RCL1: variants seen among roughly 807,000 people sequenced by gnomAD.
The protein encoded by RCL1 is RNA terminal phosphate cyclase like 1.
A neutral mutation model predicts 42.4 loss-of-function variants in RCL1; 24 were observed. The ratio of observed to expected loss-of-function variants is 0.57; its 90% CI spans 0.41 to 0.80. RCL1 has a LOEUF of 0.80. Ranked by LOEUF, RCL1 falls within the 30% of genes least tolerant of loss-of-function variation. The pLI is 0.00. For synonymous variants in RCL1, 228 were observed against 177.3 expected, an observed-to-expected ratio of 1.29 and a Z score of -2.27; for missense variants, 578 against 467.9, an observed-to-expected ratio of 1.24 and a Z score of -2.17.
chr9:4,834,299 T>TG (rs148106832), intron 5 of RCL1, 34 bp downstream of exon 5: 53,128 of 1,564,822 alleles, frequency 0.034, 1,280 homozygotes, highest in African/African-American at 0.11. Context: ...TTCTTTTTTT[T>TG]TTGTTGTTGT....
chr9:4,793,941 T>C (rs1842873952), intron 1 of RCL1, among the ~76,000 whole-genome samples: 1 of 152,118 alleles, frequency 6.6e-6, no homozygotes, highest in African/African-American at 2.4e-5. Context: ...TCTGCAATGG[T>C]AGGTTAAAAA....
At chr9:4,801,341 T>G (rs1217808093) in intron 1 of RCL1, among the ~76,000 whole-genome samples, 2 of 152,114 alleles carry the variant, frequency 1.3e-5, no homozygotes, top group Non-Finnish European at 2.9e-5. Context: ...CCGGCTAATA[T>G]TTTAACTTTT....
intron 3 of RCL1, 155 bp downstream of exon 3, chr9:4,827,188 AG>A (rs1208179305): frequency 6.5e-7 from 1 of 1,544,198 alleles, no homozygotes; most frequent in East Asian, 2.4e-5. Context: ...TCACTCCAGG[AG>A]GCAGATGAAC....
In RCL1 at chr9:4,860,048, G is replaced by T. The variant is rs1485482378; in HGVS notation, c.972-77G>T. On this transcript the variant is annotated intron_variant, in intron 8 of 8. Coordinates refer to ENST00000381750, the MANE Select transcript of RCL1 (RefSeq NM_005772.5). ...TCTAGGTCTGGGAGATTAAAACCTT[G>T]GATTCTAGGTGGTAGAGGATAATTT... The T allele has an allele frequency of 1.6e-5, 16 of 1,028,648 alleles. No homozygotes were observed. The East Asian group carries it at 3.5e-4, about 23-fold the overall frequency. The allele number at this position is 1,028,648 out of a possible 1,614,324, so 63.7% of individuals were successfully genotyped here. A position where few individuals can be genotyped will look rare whatever the true frequency, so the allele number is the denominator to read the frequency against.
intron 1 of RCL1, among the ~76,000 whole-genome samples, chr9:4,799,439 T>A (rs542824422): frequency 9.2e-5 from 14 of 152,308 alleles, no homozygotes; most frequent in Admixed American, 7.2e-4. Flanking sequence ...AAAACTATGG[T>A]ACAATGTTAG....
At chr9:4,796,600 A>G (rs767490446) in intron 1 of RCL1, among the ~76,000 whole-genome samples, 43 of 152,166 alleles carry the variant, frequency 2.8e-4, no homozygotes, top group African/African-American at 1.0e-3. Flanking sequence ...GGTGTTGTCT[A>G]TGTTGCCGAG....
intron 8 of RCL1, among the ~76,000 whole-genome samples, chr9:4,853,261 CAGTA>C (rs1237481393): frequency 1.3e-5 from 2 of 151,628 alleles, no homozygotes; most frequent in Admixed American, 1.3e-4. Context: ...GTCACACAGA[CAGTA>C]AGTGGGGTTC....
chr9:4,842,791 G>T (rs2129673384), intron 6 of RCL1, among the ~76,000 whole-genome samples: 1 of 152,320 alleles, frequency 6.6e-6, no homozygotes, highest in African/African-American at 2.4e-5. Flanking sequence ...TCCGAGGGAT[G>T]GGGGAGGACA....
At chr9:4,829,300 G>C (rs948451076) in intron 3 of RCL1, among the ~76,000 whole-genome samples, 3 of 152,136 alleles carry the variant, frequency 2.0e-5, no homozygotes, top group East Asian at 1.9e-4. Flanking sequence ...TTATGGAGAT[G>C]GAAGGAGAAC....
chr9:4,796,206 C>T (rs1842911554), intron 1 of RCL1, among the ~76,000 whole-genome samples: 1 of 151,986 alleles, frequency 6.6e-6, no homozygotes, highest in Non-Finnish European at 1.5e-5. Flanking sequence ...AACATCGTAC[C>T]CAATAGGTAA....
At chr9:4,803,934 C>G (rs973314025) in intron 1 of RCL1, 1 of 152,530 alleles carries the variant, frequency 6.6e-6, no homozygotes, top group Non-Finnish European at 1.5e-5. Flanking sequence ...TCACGGCCAT[C>G]TCAGGCCCAG....
chr9:4,795,352 G>C (rs751564377), intron 1 of RCL1, among the ~76,000 whole-genome samples: 1 of 152,248 alleles, frequency 6.6e-6, no homozygotes, highest in African/African-American at 2.4e-5. Context: ...CAGAGTGCTG[G>C]GATTACAGGT....
At chr9:4,814,027 G>A (rs12339037) in intron 1 of RCL1, among the ~76,000 whole-genome samples, 4,069 of 152,114 alleles carry the variant, frequency 0.027, 156 homozygotes, top group African/African-American at 0.09. Flanking sequence ...TTCACACACC[G>A]GGGCCTGTCA....
chr9:4,840,706 C>T (rs1034910892), intron 5 of RCL1, among the ~76,000 whole-genome samples: 3 of 152,098 alleles, frequency 2.0e-5, no homozygotes, highest in Non-Finnish European at 4.4e-5. Context: ...TAGCAGCAAC[C>T]ATGTTCTTTC....
intron 8 of RCL1, among the ~76,000 whole-genome samples, chr9:4,851,414 A>T (rs1350144170): frequency 6.6e-6 from 1 of 152,168 alleles, no homozygotes; most frequent in Non-Finnish European, 1.5e-5. Context: ...AAGGGAGTCT[A>T]TTTTCAAGAA....
chr9:4,808,767 G>C (rs1816068059), intron 1 of RCL1, among the ~76,000 whole-genome samples: 1 of 152,164 alleles, frequency 6.6e-6, no homozygotes, highest in Non-Finnish European at 1.5e-5. Context: ...CCTTGATTGT[G>C]AAAATTATCA....
At chr9:4,821,373 A>G (rs1298002305) in intron 1 of RCL1, among the ~76,000 whole-genome samples, 2 of 151,398 alleles carry the variant, frequency 1.3e-5, no homozygotes, top group Non-Finnish European at 1.5e-5. Flanking sequence ...CTTGGGTCTC[A>G]GTGTCATTTG....
intron 8 of RCL1, among the ~76,000 whole-genome samples, chr9:4,854,107 TTGGTGTA>T (rs1225363308): frequency 1.3e-5 from 2 of 152,162 alleles, no homozygotes; most frequent in African/African-American, 4.8e-5. Flanking sequence ...TAGAACATAA[TTGGTGTA>T]TGGTAAAAGC....
rs977801118 is a variant in RCL1, at chr9:4,846,378, G to A, written c.867+1697G>A. ...GAGATGAAATCTTCCTGAAGGAGGAGGTATTCTTTGACAAGTCTTGTGCAG... is the reference window on the plus strand; with the variant it reads ...GAGATGAAATCTTCCTGAAGGAGGAAGTATTCTTTGACAAGTCTTGTGCAG... On this transcript the variant is annotated intron_variant, in intron 7 of 8. Transcript: ENST00000381750. Among the ~76,000 whole-genome samples, 7 of 152,308 alleles carry A rather than the reference G, an allele frequency of 4.6e-5. No homozygotes were observed. In the South Asian group the frequency reaches 8.3e-4, roughly 18 times the overall value.
Sources: gnomAD v4.1 joint callset for allele counts (sites outside exome capture counted in the v4.1 genomes callset) on GRCh38, gnomAD v4.1.1 for gene constraint, MANE v1.5 for transcripts, NCBI Gene and HGNC (gene_info 2026-07-23, HGNC 2026-07-21) for gene names.